LRRC4C: variants seen among roughly 807,000 people sequenced by gnomAD.
The protein encoded by LRRC4C is leucine-rich repeat-containing protein 4C.
Under a neutral mutation model 33.6 loss-of-function variants are expected in LRRC4C, and 5 were observed. That is an observed-to-expected ratio of 0.15 (90% CI 0.08 to 0.31). The LOEUF (loss-of-function observed/expected upper bound fraction) is 0.31, where lower values mean the gene tolerates loss of function less well. Among genes scored for constraint, LRRC4C ranks in the 10% least tolerant of loss-of-function variants. The pLI is 1.00. For synonymous variants in LRRC4C, 329 were observed against 302.0 expected (o/e 1.09, Z -0.93); for missense variants, 560 against 796.7 (o/e 0.70, Z 3.58).
At chr11:40,320,639 C>A (rs1348973222) in intron 3 of LRRC4C, among the ~76,000 whole-genome samples, 3 of 152,050 alleles carry the variant, frequency 2.0e-5, no homozygotes, top group Non-Finnish European at 4.4e-5. Flanking sequence ...CAATTCATAA[C>A]CCTGTCATAA....
At chr11:40,960,998 T>C (rs571621609) in intron 1 of LRRC4C, among the ~76,000 whole-genome samples, 1 of 151,788 alleles carries the variant, frequency 6.6e-6, no homozygotes, top group South Asian at 2.1e-4. Flanking sequence ...AGATCTTGTG[T>C]CTTGGTCACA....
intron 3 of LRRC4C, among the ~76,000 whole-genome samples, chr11:40,626,870 C>T (rs1022251342): frequency 2.0e-5 from 3 of 152,298 alleles, no homozygotes; most frequent in South Asian, 4.1e-4. Flanking sequence ...CTCAGTGCCA[C>T]ATCAGCATGG....
intron 1 of LRRC4C, among the ~76,000 whole-genome samples, chr11:41,179,009 G>C (rs1330119330): frequency 2.6e-5 from 4 of 152,054 alleles, no homozygotes; most frequent in Admixed American, 6.6e-5. Context: ...CCAAGAATCT[G>C]GTTTTTAATA....
intron 2 of LRRC4C, among the ~76,000 whole-genome samples, chr11:40,849,367 C>T (rs865876598): frequency 4.6e-5 from 7 of 152,156 alleles, no homozygotes; most frequent in South Asian, 2.1e-4. Flanking sequence ...ATTTGCTTTT[C>T]TGTAAAGGAT....
intron 1 of LRRC4C, among the ~76,000 whole-genome samples, chr11:41,128,424 C>T (rs1942853431): frequency 6.6e-6 from 1 of 152,108 alleles, no homozygotes; most frequent in East Asian, 1.9e-4. Flanking sequence ...AAAAGAGATC[C>T]ATATATTGCT....
chr11:40,575,381 T>A (rs1409611351), intron 3 of LRRC4C, among the ~76,000 whole-genome samples: 2 of 149,018 alleles, frequency 1.3e-5, no homozygotes, highest in Non-Finnish European at 3.0e-5. Context: ...GTCTGTTATT[T>A]TAATTTCATG....
chr11:40,507,656 C>G (rs776906262), intron 3 of LRRC4C, among the ~76,000 whole-genome samples: 1 of 151,840 alleles, frequency 6.6e-6, no homozygotes, highest in Non-Finnish European at 1.5e-5. Context: ...TAGAAATATA[C>G]TGGCATATAA....
chr11:41,371,431 G>A (rs1447983720), intron 1 of LRRC4C, among the ~76,000 whole-genome samples: 2 of 152,182 alleles, frequency 1.3e-5, no homozygotes, highest in Admixed American at 6.6e-5. Flanking sequence ...GAAATATTGT[G>A]AGTAAATGGT....
intron 1 of LRRC4C, among the ~76,000 whole-genome samples, chr11:41,294,567 A>T (rs892859912): frequency 5.9e-5 from 9 of 152,210 alleles, no homozygotes; most frequent in African/African-American, 1.2e-4. Context: ...ATTTATGAGA[A>T]TGTATAATGC....
chr11:40,733,242 A>AT, intron 2 of LRRC4C, among the ~76,000 whole-genome samples: 1 of 151,528 alleles, frequency 6.6e-6, no homozygotes, highest in East Asian at 2.0e-4. Flanking sequence ...CACCCGGCTA[A>AT]TTTTTTGTGT....
chr11:40,372,981 G>C (rs1181855560), intron 3 of LRRC4C, among the ~76,000 whole-genome samples: 1 of 152,100 alleles, frequency 6.6e-6, no homozygotes, highest in Non-Finnish European at 1.5e-5. Flanking sequence ...GTTAGAGTTG[G>C]TGTACAATTA....
intron 2 of LRRC4C, among the ~76,000 whole-genome samples, chr11:40,678,671 T>C (rs949289567): frequency 3.3e-5 from 5 of 152,114 alleles, no homozygotes; most frequent in African/African-American, 1.2e-4. Flanking sequence ...GTAATTCCCC[T>C]GCACAAGTTC....
chr11:40,954,565 T>C (rs745808686), intron 1 of LRRC4C, among the ~76,000 whole-genome samples: 2 of 151,824 alleles, frequency 1.3e-5, no homozygotes, highest in African/African-American at 2.4e-5. Context: ...TAGCATAGCA[T>C]CCCTTTTTAA....
At chr11:41,268,018 G>GT (rs1347032477) in intron 1 of LRRC4C, among the ~76,000 whole-genome samples, 2 of 152,004 alleles carry the variant, frequency 1.3e-5, no homozygotes, top group African/African-American at 4.8e-5. Flanking sequence ...GACCATGCAG[G>GT]TAAGTGTTTA....
Position 41,230,396 on chromosome 11 carries a change from C to T in LRRC4C, c.-496+229035G>A, listed in dbSNP as rs528594810. On this transcript the variant is annotated intron_variant, in intron 1 of 6. Transcript: ENST00000528697. ...ACTAGAAACCATTGATAATGGTTTC[C>T]TTTCCTCAATCCCTACCTTCAGTGG... is the stretch of plus-strand genomic sequence containing the variant. 1.2e-4 allele frequency among the ~76,000 whole-genome samples: 19 copies of T among 152,084 alleles called. No individual in the cohort carries two copies. In the South Asian group the frequency reaches 3.5e-3, roughly 28 times the overall value.
intron 1 of LRRC4C, among the ~76,000 whole-genome samples, chr11:41,238,367 T>G (rs1948110794): frequency 6.6e-6 from 1 of 152,116 alleles, no homozygotes; most frequent in Admixed American, 6.5e-5. Context: ...TGACCTATAT[T>G]TAATAATAAT....
At chr11:41,371,564 C>G (rs1037078246) in intron 1 of LRRC4C, among the ~76,000 whole-genome samples, 2 of 152,180 alleles carry the variant, frequency 1.3e-5, no homozygotes, top group African/African-American at 4.8e-5. Context: ...AGAAAGAAAG[C>G]ATACTCCCCA....
intron 3 of LRRC4C, among the ~76,000 whole-genome samples, chr11:40,474,432 T>C (rs1402445332): frequency 3.3e-5 from 5 of 152,028 alleles, no homozygotes; most frequent in African/African-American, 4.8e-5. Context: ...AAAAATTAAC[T>C]CAGGATGGGT....
intron 3 of LRRC4C, among the ~76,000 whole-genome samples, chr11:40,588,925 G>T (rs1958897681): frequency 6.6e-6 from 1 of 152,080 alleles, no homozygotes. Flanking sequence ...AATAGGTGTG[G>T]TGTGGTGCTG....
Sources: allele counts gnomAD v4.1 joint callset (sites outside exome capture counted in the v4.1 genomes callset), GRCh38; gene constraint gnomAD v4.1.1; transcripts MANE v1.5; gene names NCBI Gene and HGNC (gene_info 2026-07-23, HGNC 2026-07-21).